The following SEMA3C variants were observed in gnomAD, a reference collection of about 807,000 sequenced individuals.
The protein encoded by SEMA3C is semaphorin 3C.
Under a neutral mutation model 89.4 loss-of-function variants are expected in SEMA3C, and 47 were observed. The ratio of observed to expected loss-of-function variants is 0.53; its 90% CI spans 0.42 to 0.67. The LOEUF is 0.67. SEMA3C is among the 30% of genes least tolerant of loss of function. The probability of loss-of-function intolerance (pLI) is 0.00; values close to 1 mark genes in which losing one functional copy is unlikely to be tolerated. For missense variants in SEMA3C, 839 were observed against 929.1 expected, an observed-to-expected ratio of 0.90 and a Z score of 1.26; for synonymous variants, 310 against 320.2, an observed-to-expected ratio of 0.97 and a Z score of 0.34.
At chr7:80,751,693 A>T in intron 15 of SEMA3C, among the ~76,000 whole-genome samples, 1 of 152,192 alleles carries the variant, frequency 6.6e-6, no homozygotes, top group East Asian at 1.9e-4. Flanking sequence ...AAACAATAAC[A>T]TCCAAAGTAT....
intron 2 of SEMA3C, 42 bp from the exon 3 acceptor site, chr7:80,828,787 T>C: frequency 7.3e-7 from 1 of 1,363,842 alleles, no homozygotes; most frequent in African/African-American, 1.5e-5. Context: ...AGTATCCTGG[T>C]TCTATAATTC....
At chr7:80,754,948 T>TTTTTTTTGGTTTTTTTTTTG (rs1554359467) in intron 15 of SEMA3C, among the ~76,000 whole-genome samples, 1 of 27,370 alleles carries the variant, frequency 3.7e-5, no homozygotes, top group African/African-American at 1.7e-4. Flanking sequence ...TGGCGAATTG[T>TTTTTTTTGGTTTTTTTTTTG]TTTTTTTTGT....
chr7:80,812,669 A>G (rs917860970), intron 5 of SEMA3C, among the ~76,000 whole-genome samples: 3 of 152,188 alleles, frequency 2.0e-5, no homozygotes, highest in African/African-American at 7.2e-5. Context: ...CCTAATAACT[A>G]TCTCAAGCAC....
At position 80,889,477 on chromosome 7, in the gene SEMA3C, C is replaced by T. The variant is rs183876881; in HGVS notation, c.103+27202G>A. Among the ~76,000 whole-genome samples, 402 of 152,186 alleles carry T rather than the reference C, an allele frequency of 2.6e-3. 1 individual carries two copies. The highest frequency in any genetic ancestry group is 4.1e-3 in the Non-Finnish European group (281 of 67,980). ...CATTATCCTCTTTGTTGTATTACAA[C>T]ACATTCCTGTGAAAGACTTAAGATA... On this transcript the variant is annotated intron_variant, in intron 2 of 17. Transcript: ENST00000265361.
chr7:80,873,159 G>T (rs373470970), intron 2 of SEMA3C, among the ~76,000 whole-genome samples: 1 of 152,094 alleles, frequency 6.6e-6, no homozygotes, highest in East Asian at 1.9e-4. Context: ...AGCAAAAAGC[G>T]TACAGGGCCC....
chr7:80,916,109 T>A, intron 2 of SEMA3C, among the ~76,000 whole-genome samples: 1 of 152,216 alleles, frequency 6.6e-6, no homozygotes, highest in East Asian at 1.9e-4. Context: ...TGAGAACATT[T>A]GTATACAACA....
At chr7:80,809,909 A>T (rs1202015724) in intron 6 of SEMA3C, among the ~76,000 whole-genome samples, 1 of 151,990 alleles carries the variant, frequency 6.6e-6, no homozygotes. Flanking sequence ...AAAAAAGTTG[A>T]TCTCATAGAA....
chr7:80,856,554 A>C (rs1279045089), intron 2 of SEMA3C, among the ~76,000 whole-genome samples: 1 of 151,176 alleles, frequency 6.6e-6, no homozygotes, highest in Non-Finnish European at 1.5e-5. Context: ...AAAAAAAAAA[A>C]AAACTAGGTT....
At chr7:80,758,218 A>T in intron 15 of SEMA3C, 113 bp downstream of exon 15, 1 of 1,156,916 alleles carries the variant, frequency 8.6e-7, no homozygotes, top group Non-Finnish European at 1.2e-6. Flanking sequence ...CATAGCTTCT[A>T]CCTTTAATGT....
intron 12 of SEMA3C, among the ~76,000 whole-genome samples, chr7:80,785,233 A>G (rs1169006599): frequency 1.3e-5 from 2 of 152,196 alleles, no homozygotes; most frequent in African/African-American, 4.8e-5. Flanking sequence ...AGATTCTGTA[A>G]GCTACAAAAT....
chr7:80,819,235 A>G (rs890303363), intron 4 of SEMA3C, among the ~76,000 whole-genome samples: 7 of 152,114 alleles, frequency 4.6e-5, no homozygotes, highest in Non-Finnish European at 1.0e-4. Context: ...TTAAAACAAC[A>G]TGGCTTATTC....
chr7:80,754,040 C>T (rs918735563), intron 15 of SEMA3C, among the ~76,000 whole-genome samples: 3 of 152,098 alleles, frequency 2.0e-5, no homozygotes, highest in African/African-American at 7.2e-5. Flanking sequence ...CAGGTTCAAG[C>T]GACTCCCCTG....
intron 2 of SEMA3C, among the ~76,000 whole-genome samples, chr7:80,910,726 G>GT (rs1160684461): frequency 6.9e-6 from 1 of 143,940 alleles, no homozygotes; most frequent in Non-Finnish European, 1.5e-5. Context: ...CAAAGTGATA[G>GT]TTTTTTTATT....
intron 2 of SEMA3C, among the ~76,000 whole-genome samples, chr7:80,912,167 G>T (rs1792168657): frequency 6.6e-6 from 1 of 152,008 alleles, no homozygotes; most frequent in Non-Finnish European, 1.5e-5. Flanking sequence ...GAAAATATAG[G>T]CTTACACATT....
intron 2 of SEMA3C, among the ~76,000 whole-genome samples, chr7:80,914,485 T>G (rs1792224940): frequency 6.7e-6 from 1 of 148,924 alleles, no homozygotes; most frequent in Non-Finnish European, 1.5e-5. Flanking sequence ...CCTGATACTT[T>G]CCCTATAACT....
intron 2 of SEMA3C, among the ~76,000 whole-genome samples, chr7:80,833,128 G>GT (rs1379683195): frequency 6.6e-6 from 1 of 152,000 alleles, no homozygotes; most frequent in Non-Finnish European, 1.5e-5. Context: ...CTCCTTGCCT[G>GT]TTTCATTAGA....
chr7:80,919,607 G>C (rs1314048965), upstream of SEMA3C, among the ~76,000 whole-genome samples: 1 of 151,120 alleles, frequency 6.6e-6, no homozygotes, highest in African/African-American at 2.4e-5. Flanking sequence ...TTTTTGGAGA[G>C]GGAATCTCAC....
intron 12 of SEMA3C, among the ~76,000 whole-genome samples, chr7:80,772,137 G>A (rs1788447577): frequency 6.6e-6 from 1 of 152,092 alleles, no homozygotes; most frequent in Non-Finnish European, 1.5e-5. Context: ...AGAGATGAGG[G>A]AGGTATGACT....
intron 15 of SEMA3C, among the ~76,000 whole-genome samples, chr7:80,753,307 G>C (rs1787980831): frequency 1.3e-5 from 2 of 152,132 alleles, no homozygotes; most frequent in African/African-American, 4.8e-5. Flanking sequence ...TTGAAGTCCA[G>C]CATTATTTTC....
Sources: gnomAD v4.1 joint callset for allele counts (sites outside exome capture counted in the v4.1 genomes callset) on GRCh38, gnomAD v4.1.1 for gene constraint, MANE v1.5 for transcripts, NCBI Gene and HGNC (gene_info 2026-07-23, HGNC 2026-07-21) for gene names.